KYAT3: variants seen among roughly 807,000 people sequenced by gnomAD.
KYAT3 encodes the protein kynurenine aminotransferase 3.
In KYAT3, 50 loss-of-function variants were observed where a neutral mutation model predicts 59.0. That is an observed-to-expected ratio of 0.85 (90% CI 0.68 to 1.07). KYAT3 has a LOEUF of 1.07. Ranked by LOEUF, KYAT3 falls within the 50% of genes least tolerant of loss-of-function variation. The pLI is 0.00. For missense variants in KYAT3, 497 were observed against 533.3 expected, an observed-to-expected ratio of 0.93 and a Z score of 0.67; for synonymous variants, 148 against 177.0, an observed-to-expected ratio of 0.84 and a Z score of 1.30.
intron 2 of KYAT3, chr1:88,981,796 G>C (rs1309334095): frequency 4.4e-6 from 1 of 225,302 alleles, no homozygotes; most frequent in African/African-American, 2.3e-5. Flanking sequence ...ATCTGATGTG[G>C]AATGCTGATA....
At chr1:88,936,307 G>C (rs1438053182) in intron 13 of KYAT3, 62 bp from the exon 14 acceptor site, 2 of 1,152,856 alleles carry the variant, frequency 1.7e-6, no homozygotes, top group Non-Finnish European at 2.5e-6. Context: ...ATGAAGCAAA[G>C]ATTTAAATAT....
At chr1:88,980,380 G>A (rs1464302117) in intron 2 of KYAT3, 7 of 151,796 alleles carry the variant, frequency 4.6e-5, no homozygotes, top group African/African-American at 9.7e-5. Context: ...CCAAGCACCC[G>A]CCCAAGCAAG....
At chr1:88,973,808 T>G (rs1271532103) in intron 2 of KYAT3, among the ~76,000 whole-genome samples, 1 of 152,214 alleles carries the variant, frequency 6.6e-6, no homozygotes, top group East Asian at 1.9e-4. Flanking sequence ...TACTGTATGT[T>G]GAACCCATGA....
intron 2 of KYAT3, chr1:88,980,502 A>G (rs896609317): frequency 6.6e-6 from 1 of 152,546 alleles, no homozygotes; most frequent in African/African-American, 2.4e-5. Context: ...GTGATCTATA[A>G]TACCCAAGTT....
rs905427436 is a variant in KYAT3 at position 88,992,581 on chromosome 1, T to C, written c.-2+4A>G. 1 of 152,474 alleles carries C rather than the reference T, an allele frequency of 6.6e-6. No homozygotes were observed. The highest frequency in any genetic ancestry group is 2.4e-5 in the African/African-American group (1 of 41,432). 9.4% of individuals were successfully genotyped at this position (152,474 alleles called of 1,614,324 possible). A position where few individuals can be genotyped will look rare whatever the true frequency, so the allele number is the denominator to read the frequency against. On this transcript the variant is annotated splice_donor_region_variant and intron_variant, in intron 1 of 13. Coordinates refer to ENST00000260508, the MANE Select transcript of KYAT3 (RefSeq NM_001008661.3). ...GCGCCGCGCCGCGCGCCCGCCCCAC[T>C]CACCTATCCGGTGCGGGAACCTCGC...
chr1:88,953,252 C>A (rs1675755578), intron 9 of KYAT3, 100 bp from the exon 10 acceptor site: 2 of 781,196 alleles, frequency 2.6e-6, no homozygotes, highest in East Asian at 2.7e-5. Flanking sequence ...TATATACAAT[C>A]CTAAAATGTT....
chr1:88,982,894 A>T (rs759803535), intron 2 of KYAT3: 16 of 1,613,974 alleles, frequency 9.9e-6, no homozygotes, highest in African/African-American at 1.3e-5. Flanking sequence ...TGCTATAATC[A>T]TCATAGCGAC....
In KYAT3 at chr1:88,935,779, T is replaced by C. The variant is rs1675011489; in HGVS notation, c.*404A>G. 1 of 389,050 alleles carries C rather than the reference T, an allele frequency of 2.6e-6. No homozygotes were observed. The highest frequency in any genetic ancestry group is 4.5e-6 in the Non-Finnish European group (1 of 220,160). 24.1% of individuals were successfully genotyped at this position (389,050 alleles called of 1,614,324 possible). A position where few individuals can be genotyped will look rare whatever the true frequency, so the allele number is the denominator to read the frequency against. The stretch of plus-strand genomic sequence containing the variant: ...ACAATGGTGGAAACATGAAACCGGC[T>C]AAAGTCAGATGAGTGTTTATTGTTT... On this transcript the variant is annotated 3_prime_UTR_variant, in exon 14 of 14. Transcript: ENST00000260508.
At chr1:88,933,565 G>A (rs1377866865), downstream of KYAT3, among the ~76,000 whole-genome samples, 1 of 152,160 alleles carries the variant, frequency 6.6e-6, no homozygotes, top group Non-Finnish European at 1.5e-5. Flanking sequence ...ATCAGTGAAA[G>A]AATTTTCTAA....
At chr1:88,982,525 TAAC>T (rs1400819073) in intron 2 of KYAT3, 1 of 1,347,634 alleles carries the variant, frequency 7.4e-7, no homozygotes, top group African/African-American at 1.5e-5. Context: ...GGAAGGGACT[TAAC>T]AGGGAATTTA....
chr1:88,945,036 A>G (rs111381797), intron 11 of KYAT3, among the ~76,000 whole-genome samples: 5,794 of 151,984 alleles, frequency 0.038, 321 homozygotes, highest in African/African-American at 0.12. Flanking sequence ...TAGAGGTGGA[A>G]TTTCACCATG....
In KYAT3 at chr1:88,936,066, G is replaced by C; in HGVS notation, c.*117C>G. The C allele has an allele frequency of 2.9e-6, 2 of 698,268 alleles. No individual in the cohort carries two copies. Among genetic ancestry groups the C allele is most frequent in the Admixed American group, 5.5e-5 (2 of 36,484 alleles). The allele number at this position is 698,268 out of a possible 1,614,324, so 43.3% of individuals were successfully genotyped here. A position where few individuals can be genotyped will look rare whatever the true frequency, so the allele number is the denominator to read the frequency against. On this transcript the variant is annotated 3_prime_UTR_variant, in exon 14 of 14. Transcript: ENST00000260508. ...GGGTTAACTGCTTTGGAAAAACAAT[G>C]GAAATATTTAAATTCCAGTTGTACT...
chr1:88,951,688 A>G (rs769379526), intron 10 of KYAT3, among the ~76,000 whole-genome samples: 1 of 151,668 alleles, frequency 6.6e-6, no homozygotes, highest in African/African-American at 2.4e-5. Context: ...TTTTTACTTT[A>G]TGATGTATTC....
At chr1:88,970,850 G>A (rs1027598258) in intron 2 of KYAT3, among the ~76,000 whole-genome samples, 7 of 152,102 alleles carry the variant, frequency 4.6e-5, no homozygotes, top group African/African-American at 1.2e-4. Flanking sequence ...GGAAGATAAC[G>A]ATAATGGTTA....
intron 8 of KYAT3, among the ~76,000 whole-genome samples, chr1:88,957,117 T>G (rs1213753377): frequency 6.6e-6 from 1 of 152,174 alleles, no homozygotes; most frequent in Non-Finnish European, 1.5e-5. Context: ...GTAATTTCAG[T>G]CTACCCTGAA....
At chr1:88,970,825 T>G in intron 2 of KYAT3, among the ~76,000 whole-genome samples, 1 of 152,210 alleles carries the variant, frequency 6.6e-6, no homozygotes, top group Non-Finnish European at 1.5e-5. Context: ...ATTAATGTAA[T>G]TTTAATTCAA....
chr1:88,939,503 C>T (rs1365851960), intron 13 of KYAT3, among the ~76,000 whole-genome samples: 1 of 152,044 alleles, frequency 6.6e-6, no homozygotes, highest in Non-Finnish European at 1.5e-5. Flanking sequence ...TCTAGGTGAC[C>T]AAAGGAATTG....
chr1:88,955,831 G>T (rs557637838), intron 8 of KYAT3, among the ~76,000 whole-genome samples: 1 of 148,840 alleles, frequency 6.7e-6, no homozygotes, highest in East Asian at 1.9e-4. Flanking sequence ...GTGTGCACAT[G>T]TGTGTGTGTG....
intron 13 of KYAT3, among the ~76,000 whole-genome samples, chr1:88,939,577 A>G (rs558862803): frequency 3.9e-5 from 6 of 152,208 alleles, no homozygotes; most frequent in Non-Finnish European, 5.9e-5. Context: ...GACAATTATT[A>G]TTATATGCAG....
Sources: allele counts gnomAD v4.1 joint callset (sites outside exome capture counted in the v4.1 genomes callset), GRCh38; gene constraint gnomAD v4.1.1; transcripts MANE v1.5; gene names NCBI Gene and HGNC (gene_info 2026-07-23, HGNC 2026-07-21).